LGALS1: variants seen among roughly 807,000 people sequenced by gnomAD.
LGALS1 encodes the protein galectin 1.
Under a neutral mutation model 14.4 loss-of-function variants are expected in LGALS1, and 14 were observed. The observed-to-expected ratio is 0.97, with a 90% CI of 0.64 to 1.52. The LOEUF (loss-of-function observed/expected upper bound fraction) is 1.52. LGALS1 is among the 40% of genes most tolerant of loss of function. LGALS1 has a pLI of 0.00. For missense variants in LGALS1, 170 were observed against 181.4 expected, an observed-to-expected ratio of 0.94 and a Z score of 0.36; for synonymous variants, 71 against 73.4, an observed-to-expected ratio of 0.97 and a Z score of 0.17.
chr22:37,676,730 C>A lies in LGALS1; in HGVS notation c.10-256C>A, dbSNP rs1360283436. On this transcript the variant is annotated intron_variant, in intron 1 of 3. Coordinates refer to ENST00000215909, the MANE Select transcript of LGALS1 (RefSeq NM_002305.4). ...AAATTCCCAAGCCAATCTGCAAAAT[C>A]TTCTAGAGCCTGTCTTCTAGAACCT... 3 of 548,676 alleles carry A rather than the reference C, an allele frequency of 5.5e-6. No homozygotes were observed. In the East Asian group the frequency reaches 9.8e-5, roughly 18 times the overall value. The allele number at this position is 548,676 out of a possible 1,614,324, so 34.0% of individuals were successfully genotyped here.
chr22:37,679,653 A>T lies in LGALS1; in HGVS notation c.312A>T (p.Gly104=), dbSNP rs183894785. 40 of 1,610,538 alleles carry T rather than the reference A, an allele frequency of 2.5e-5. No homozygotes were observed. The East Asian group carries it at 8.3e-4, about 33-fold the overall frequency. Residue 104 remains glycine, a synonymous_variant, in exon 4 of 4, where the codon GGA becomes GGT. Coordinates refer to ENST00000215909, the MANE Select transcript of LGALS1 (RefSeq NM_002305.4). ...ACCTGACCGTCAAGCTGCCAGATGG[A>T]TACGAATTCAAGTTCCCCAACCGCC... ...QANLTVKLPD[G]YEFKFPNRLN...
At chr22:37,678,748 T>C (rs1303732749) in intron 3 of LGALS1, 94 bp downstream of exon 3, 2 of 1,270,714 alleles carry the variant, frequency 1.6e-6, no homozygotes, top group Non-Finnish European at 2.1e-6. Flanking sequence ...CCCTGCCTGC[T>C]CTTTCCCCTC....
rs1449847073 is a variant in LGALS1, at chr22:37,676,983, C to T, written c.10-3C>T. The T allele has an allele frequency of 6.2e-7, 1 of 1,614,076 alleles. No individual in the cohort carries two copies. The highest frequency in any genetic ancestry group is 1.7e-5 in the Admixed American group (1 of 60,028). ...CCGGCTGGGCCGGGGCTTGTCTGTGCAGGGTCTGGTCGCCAGCAACCTGAA... is the reference window on the plus strand; with the variant it reads ...CCGGCTGGGCCGGGGCTTGTCTGTGTAGGGTCTGGTCGCCAGCAACCTGAA... On this transcript the variant is annotated splice_region_variant and splice_polypyrimidine_tract_variant and intron_variant, in intron 1 of 3. Transcript: ENST00000215909.
At chr22:37,677,220 G>T (rs1921462576) in intron 2 of LGALS1, 155 bp downstream of exon 2, 1 of 714,802 alleles carries the variant, frequency 1.4e-6, no homozygotes, top group Admixed American at 2.6e-5. Context: ...TCCCCCGCAG[G>T]GTCTGGGCGC....
intron 3 of LGALS1, among the ~76,000 whole-genome samples, chr22:37,679,124 T>C (rs2145790183): frequency 2.1e-5 from 2 of 93,256 alleles, no homozygotes; most frequent in African/African-American, 9.7e-5. Context: ...AGAGCAAAAC[T>C]CTGTCTCAAA....
Position 37,678,548 on chromosome 22 carries a change from C to T in LGALS1, c.155C>T (p.Ala52Val), listed in dbSNP as rs1055597282. Residue 52 changes from alanine (A) to valine (V), a missense_variant, in exon 3 of 4, where the codon GCC (alanine) becomes GTC (valine). Transcript: ENST00000215909. The stretch of plus-strand genomic sequence containing the variant: ...CTGCACTTCAACCCTCGCTTCAACG[C>T]CCACGGCGACGCCAACACCATCGTG... ...LCLHFNPRFNAHGDANTIVCN... is the reference protein window; with the variant it reads ...LCLHFNPRFNVHGDANTIVCN... 1 of 1,613,522 alleles carries T rather than the reference C, an allele frequency of 6.2e-7. No individual in the cohort carries two copies. Among genetic ancestry groups the T allele is most frequent in the Non-Finnish European group, 8.5e-7 (1 of 1,180,046 alleles).
intron 3 of LGALS1, 105 bp downstream of exon 3, chr22:37,678,759 C>T (rs949896443): frequency 2.8e-6 from 3 of 1,087,890 alleles, no homozygotes; most frequent in African/African-American, 3.2e-5. Flanking sequence ...CTTTCCCCTC[C>T]CCTTCCCTCC....
chr22:37,678,674 C>T lies in LGALS1; in HGVS notation c.261+20C>T, dbSNP rs1051090393. 6 of 255,104 alleles carry T rather than the reference C, an allele frequency of 2.4e-5. No individual in the cohort carries two copies. Among genetic ancestry groups the T allele is most frequent in the Non-Finnish European group, 3.8e-5 (5 of 132,174 alleles). The allele number at this position is 255,104 out of a possible 1,614,324, so 15.8% of individuals were successfully genotyped here. On this transcript the variant is annotated intron_variant, in intron 3 of 3. Coordinates refer to ENST00000215909, the MANE Select transcript of LGALS1 (RefSeq NM_002305.4). Reference sequence around the variant, plus strand: ...GCAGAGGTGGGCTGCAGACCGGAACCGGGGACCAGGGACAGGGGCTGGGTG... The same window carrying T: ...GCAGAGGTGGGCTGCAGACCGGAACTGGGGACCAGGGACAGGGGCTGGGTG...
chr22:37,677,360 G>C lies in LGALS1; in HGVS notation c.89+295G>C, dbSNP rs556321253. On this transcript the variant is annotated intron_variant, in intron 2 of 3. Transcript: ENST00000215909. ...CCCCTTTCCGGTCTGGGCGGGACCT[G>C]TCGCTGGGGAGGGCGGGGAGAGGAG... 3.8e-5 allele frequency: 15 copies of C among 396,498 alleles called. 1 individual carries two copies. In the South Asian group the frequency reaches 3.9e-4, roughly 10 times the overall value. 24.6% of individuals were successfully genotyped at this position (396,498 alleles called of 1,614,324 possible). A position where few individuals can be genotyped will look rare whatever the true frequency, so the allele number is the denominator to read the frequency against.
rs772445806 is a variant in LGALS1 at position 37,678,668 on chromosome 22, C to G, written c.261+14C>G. 2.0e-6 allele frequency: 2 copies of G among 1,011,964 alleles called. No homozygotes were observed. Among genetic ancestry groups the G allele is most frequent in the Admixed American group, 2.6e-5 (1 of 38,772 alleles). The allele number at this position is 1,011,964 out of a possible 1,614,324, so 62.7% of individuals were successfully genotyped here. ...AGTGTTGCAGAGGTGGGCTGCAGACCGGAACCGGGGACCAGGGACAGGGGC... is the reference window on the plus strand; with the variant it reads ...AGTGTTGCAGAGGTGGGCTGCAGACGGGAACCGGGGACCAGGGACAGGGGC... On this transcript the variant is annotated intron_variant, in intron 3 of 3. Transcript: ENST00000215909.
intron 1 of LGALS1, 60 bp from the exon 2 acceptor site, chr22:37,676,926 C>A: frequency 6.4e-7 from 1 of 1,572,742 alleles, no homozygotes; most frequent in Non-Finnish European, 8.7e-7. Context: ...CACCCCCGGA[C>A]ACTTCGAGCA....
At chr22:37,676,935 C>T in intron 1 of LGALS1, 51 bp from the exon 2 acceptor site, 1 of 1,594,536 alleles carries the variant, frequency 6.3e-7, no homozygotes, top group Non-Finnish European at 8.6e-7. Context: ...ACACTTCGAG[C>T]AGTGGAGGCC....
chr22:37,677,147 C>A, intron 2 of LGALS1, 82 bp downstream of exon 2: 1 of 1,347,846 alleles, frequency 7.4e-7, no homozygotes, highest in Non-Finnish European at 1.0e-6. Flanking sequence ...GCCCACATCT[C>A]CTCCCTGGCC....
intron 1 of LGALS1, 95 bp downstream of exon 1, chr22:37,675,806 A>T: frequency 8.5e-7 from 1 of 1,180,674 alleles, no homozygotes; most frequent in African/African-American, 1.6e-5. Context: ...TTCTAGCCCC[A>T]GCTGTGTGGC....
chr22:37,679,582 A>G, intron 3 of LGALS1, 21 bp from the exon 4 acceptor site: 1 of 1,568,380 alleles, frequency 6.4e-7, no homozygotes, highest in Non-Finnish European at 8.7e-7. Context: ...GGCCCGGCTC[A>G]CTGCTCTCCT....
intron 2 of LGALS1, among the ~76,000 whole-genome samples, chr22:37,677,974 G>A (rs1490767330): frequency 2.6e-5 from 4 of 151,942 alleles, no homozygotes; most frequent in Non-Finnish European, 4.4e-5. Flanking sequence ...TAGTAGAGAC[G>A]GGGTTTCACC....
At chr22:37,678,120 A>G (rs1272447693) in intron 2 of LGALS1, among the ~76,000 whole-genome samples, 3 of 152,064 alleles carry the variant, frequency 2.0e-5, no homozygotes, top group Non-Finnish European at 2.9e-5. Flanking sequence ...TTCGCCCCAT[A>G]ATTACTAAGC....
rs968410190 is a variant in LGALS1, at chr22:37,677,232, C to G, written c.89+167C>G. 6.2e-6 allele frequency: 4 copies of G among 643,236 alleles called. No individual in the cohort carries two copies. In the African/African-American group the frequency reaches 7.3e-5, roughly 12 times the overall value. The allele number at this position is 643,236 out of a possible 1,614,324, so 39.8% of individuals were successfully genotyped here. A position where few individuals can be genotyped will look rare whatever the true frequency, so the allele number is the denominator to read the frequency against. On this transcript the variant is annotated intron_variant, in intron 2 of 3. Transcript: ENST00000215909. ...ACTTCCCCCGCAGGGTCTGGGCGCC[C>G]CCACCGTTGCCGCCCCCTCCCCCGC...
intron 3 of LGALS1, among the ~76,000 whole-genome samples, chr22:37,679,150 T>C (rs756056389): frequency 1.1e-4 from 13 of 123,600 alleles, no homozygotes; most frequent in Non-Finnish European, 1.8e-4. Context: ...AAAAAAAAAT[T>C]AGCCAGCGTG....
Sources: allele counts gnomAD v4.1 joint callset (sites outside exome capture counted in the v4.1 genomes callset), GRCh38; gene constraint gnomAD v4.1.1; transcripts MANE v1.5; gene names NCBI Gene and HGNC (gene_info 2026-07-23, HGNC 2026-07-21).